The following HERC6 variants were observed in gnomAD, a reference collection of about 807,000 sequenced individuals.
The protein encoded by HERC6 is HECT and RLD domain containing E3 ubiquitin protein ligase family member 6.
Under a neutral mutation model 114.5 loss-of-function variants are expected in HERC6, and 101 were observed. That is an observed-to-expected ratio of 0.88 (90% CI 0.75 to 1.04). The LOEUF is 1.04. Ranked by LOEUF, HERC6 falls within the 50% of genes least tolerant of loss-of-function variation. HERC6 has a pLI of 0.00. For synonymous variants in HERC6, 408 were observed against 436.2 expected (o/e 0.94, Z 0.81); for missense variants, 1,133 against 1,230.9 (o/e 0.92, Z 1.19).
At position 88,396,202 on chromosome 4, in the gene HERC6, C is replaced by T. The variant is rs1578379040; in HGVS notation, c.887+60C>T. The T allele has an allele frequency of 6.7e-6, 9 of 1,339,402 alleles. No homozygotes were observed. The East Asian group carries it at 2.4e-4, about 36-fold the overall frequency. 83.0% of individuals were successfully genotyped at this position (1,339,402 alleles called of 1,614,324 possible). ...GTGTAGAAAGTGTTATATTTTATTA[C>T]TTAGAAATGACTCATATGGAATGTT... On this transcript the variant is annotated intron_variant, in intron 6 of 22. Transcript: ENST00000264346.
At chr4:88,403,974 A>G (rs996233539) in intron 8 of HERC6, among the ~76,000 whole-genome samples, 1 of 152,004 alleles carries the variant, frequency 6.6e-6, no homozygotes, top group African/African-American at 2.4e-5. Flanking sequence ...CATTACCCCA[A>G]ACAGAAATTC....
chr4:88,387,425 A>G (rs926178822), intron 3 of HERC6, among the ~76,000 whole-genome samples: 5 of 152,230 alleles, frequency 3.3e-5, no homozygotes, highest in African/African-American at 1.2e-4. Context: ...AAACAGGAGC[A>G]GGGTATGATT....
rs1578376334 is a variant in HERC6 at position 88,393,549 on chromosome 4, C to G, written c.726C>G (p.Ser242Arg). 2 of 1,612,482 alleles carry G rather than the reference C, an allele frequency of 1.2e-6. No individual in the cohort carries two copies. The highest frequency in any genetic ancestry group is 4.5e-5 in the East Asian group (2 of 44,870). Residue 242 changes from serine to arginine, a missense_variant, in exon 5 of 23, where the codon AGC becomes AGG. Coordinates refer to ENST00000264346, the MANE Select transcript of HERC6 (RefSeq NM_017912.4). ...ALKNLGVVYI[S>R]CGDAHTAVLT... ...AGAATCTAGGTGTGGTTTATATCAG[C>G]TGTGGTGATGCACACACTGCGGTGC...
chr4:88,429,892 AAACTT>A lies in HERC6; in HGVS notation c.2106+1143_2106+1147del, dbSNP rs1383214186. Among the ~76,000 whole-genome samples, 4 of 152,268 alleles carry A rather than the reference AAACTT, an allele frequency of 2.6e-5. No individual in the cohort carries two copies. In the East Asian group the frequency reaches 7.7e-4, roughly 29 times the overall value. ...AGATGACCAAGGGGTAAAAAAAAGTAAACTTCAAGCCAGATCAAATAAAAATACAG... is the reference window on the plus strand; with the variant it reads ...AGATGACCAAGGGGTAAAAAAAAGTACAAGCCAGATCAAATAAAAATACAG... On this transcript the variant is annotated intron_variant, in intron 16 of 22. Coordinates refer to ENST00000264346, the MANE Select transcript of HERC6 (RefSeq NM_017912.4).
intron 15 of HERC6, among the ~76,000 whole-genome samples, chr4:88,426,331 G>T (rs1044588592): frequency 6.6e-6 from 1 of 152,120 alleles, no homozygotes; most frequent in South Asian, 2.1e-4. Context: ...ACCATGCCTG[G>T]CTAATTTTGT....
Position 88,431,287 on chromosome 4 carries a change from C to A in HERC6, c.2232C>A (p.Cys744Ter). The A allele has an allele frequency of 6.3e-7, 1 of 1,594,976 alleles. No homozygotes were observed. The highest frequency in any genetic ancestry group is 1.2e-5 in the South Asian group (1 of 86,034). The change falls in exon 17 of 23, where the codon TGC becomes TGA. Residue 744 changes from cysteine to a stop codon, truncating the protein, a stop_gained. Coordinates refer to ENST00000264346, the MANE Select transcript of HERC6 (RefSeq NM_017912.4). LOFTEE classifies it high-confidence loss of function. ...TCATGTATCCTGAAATGGGTTCCTG[C>A]ATGTGGTTTCCTGCCAAGGTAAGTC... ...GMFMYPEMGS[C>*]MWFPAKPKPE...
intron 3 of HERC6, among the ~76,000 whole-genome samples, chr4:88,389,565 G>C (rs928382515): frequency 1.3e-5 from 2 of 152,056 alleles, no homozygotes; most frequent in Non-Finnish European, 2.9e-5. Flanking sequence ...GAAGAGTTAA[G>C]GATATCTGTA....
intron 19 of HERC6, 137 bp from the exon 20 acceptor site, chr4:88,437,573 GA>G (rs1316904422): frequency 1.7e-5 from 11 of 636,828 alleles, no homozygotes; most frequent in Non-Finnish European, 2.8e-5. Context: ...TTAAAAGGCT[GA>G]ACTACATAAA....
intron 17 of HERC6, among the ~76,000 whole-genome samples, chr4:88,434,135 T>C (rs556408597): frequency 2.0e-5 from 3 of 152,226 alleles, no homozygotes; most frequent in African/African-American, 7.2e-5. Flanking sequence ...CTCTAAGTTA[T>C]AGATTGCTGA....
intron 13 of HERC6, among the ~76,000 whole-genome samples, chr4:88,420,037 C>T (rs1287310006): frequency 2.0e-5 from 3 of 151,992 alleles, no homozygotes; most frequent in African/African-American, 4.8e-5. Flanking sequence ...CTCTCTCTCT[C>T]GGCTTTTTTC....
chr4:88,417,271 G>C (rs1736570056), intron 12 of HERC6, among the ~76,000 whole-genome samples, 154 bp from the exon 13 acceptor site: 1 of 152,172 alleles, frequency 6.6e-6, no homozygotes, highest in Non-Finnish European at 1.5e-5. Context: ...AGCAGTAACT[G>C]TTGTGCAGGA....
chr4:88,393,703 C>T (rs1033542091), intron 5 of HERC6, 121 bp downstream of exon 5: 1 of 524,768 alleles, frequency 1.9e-6, no homozygotes, highest in Non-Finnish European at 3.5e-6. Context: ...AACAAAATAC[C>T]ATAAAAAGAG....
At chr4:88,420,131 G>A (rs1350465507) in intron 13 of HERC6, among the ~76,000 whole-genome samples, 6 of 151,808 alleles carry the variant, frequency 4.0e-5, no homozygotes, top group African/African-American at 1.5e-4. Context: ...TTTCTTTCTA[G>A]GTTAAATTTA....
At chr4:88,415,424 G>C (rs141400517) in intron 12 of HERC6, among the ~76,000 whole-genome samples, 155 of 152,252 alleles carry the variant, frequency 1.0e-3, no homozygotes, top group African/African-American at 3.6e-3. Flanking sequence ...TTTGCCAAAT[G>C]ACCCTCCACA....
chr4:88,429,024 T>C (rs1737921107), intron 16 of HERC6, among the ~76,000 whole-genome samples: 1 of 152,242 alleles, frequency 6.6e-6, no homozygotes, highest in Non-Finnish European at 1.5e-5. Context: ...TAATTTATTT[T>C]ACAGATCTGC....
chr4:88,415,283 C>T (rs1334460295), intron 12 of HERC6, among the ~76,000 whole-genome samples: 1 of 152,170 alleles, frequency 6.6e-6, no homozygotes, highest in Non-Finnish European at 1.5e-5. Context: ...CTGCCTCATT[C>T]TATTTAATGG....
At chr4:88,423,460 C>G (rs560907433) in intron 13 of HERC6, among the ~76,000 whole-genome samples, 1 of 152,144 alleles carries the variant, frequency 6.6e-6, no homozygotes, top group African/African-American at 2.4e-5. Context: ...ACATTTTAAT[C>G]TAAAGATTTG....
intron 2 of HERC6, among the ~76,000 whole-genome samples, chr4:88,384,022 C>A (rs1300042073): frequency 1.3e-5 from 2 of 152,040 alleles, no homozygotes; most frequent in Non-Finnish European, 2.9e-5. Flanking sequence ...GCAAAAGATA[C>A]AGATATAAAT....
intron 7 of HERC6, 77 bp from the exon 8 acceptor site, chr4:88,398,065 A>G (rs1735339259): frequency 1.1e-6 from 1 of 870,716 alleles, no homozygotes; most frequent in Non-Finnish European, 1.7e-6. Context: ...TAAGTAAATA[A>G]ATTTTTGGCT....
Sources: gnomAD v4.1 joint callset for allele counts (sites outside exome capture counted in the v4.1 genomes callset) on GRCh38, gnomAD v4.1.1 for gene constraint, MANE v1.5 for transcripts, NCBI Gene and HGNC (gene_info 2026-07-23, HGNC 2026-07-21) for gene names.